Variants in LPIN2 observed in about 807,000 individuals in gnomAD.
LPIN2 encodes lipin 2.
A neutral mutation model predicts 111.4 loss-of-function variants in LPIN2; 55 were observed. The observed-to-expected ratio is 0.49, with a 90% CI of 0.40 to 0.62. LPIN2 has a LOEUF of 0.62. LPIN2 is among the 20% of genes least tolerant of loss of function. The probability of loss-of-function intolerance (pLI) is 0.00; values close to 1 mark genes in which losing one functional copy is unlikely to be tolerated. For missense variants in LPIN2, 992 were observed against 1,112.1 expected, an observed-to-expected ratio of 0.89 and a Z score of 1.54; for synonymous variants, 425 against 414.0, an observed-to-expected ratio of 1.03 and a Z score of -0.32.
At chr18:2,995,684 C>T (rs1372447986) in intron 1 of LPIN2, among the ~76,000 whole-genome samples, 2 of 152,188 alleles carry the variant, frequency 1.3e-5, no homozygotes, top group Non-Finnish European at 2.9e-5. Flanking sequence ...TATGATTCAT[C>T]TGACATGCGT....
At chr18:2,964,135 T>C (rs1372759140) in intron 1 of LPIN2, among the ~76,000 whole-genome samples, 3 of 151,298 alleles carry the variant, frequency 2.0e-5, no homozygotes, top group Admixed American at 6.6e-5. Flanking sequence ...TACAAAAAAT[T>C]AGCCGGGCGT....
Position 2,918,982 on chromosome 18 carries a change from G to A in LPIN2, c.*1311C>T, listed in dbSNP as rs1598514848. 1 of 152,070 alleles carries A rather than the reference G, an allele frequency of 6.6e-6. No individual in the cohort carries two copies. Among genetic ancestry groups the A allele is most frequent in the East Asian group, 1.9e-4 (1 of 5,188 alleles). 9.4% of individuals were successfully genotyped at this position (152,070 alleles called of 1,614,324 possible). On this transcript the variant is annotated 3_prime_UTR_variant, in exon 20 of 20. Coordinates refer to ENST00000677752, the MANE Select transcript of LPIN2 (RefSeq NM_001375808.2). The stretch of plus-strand genomic sequence containing the variant: ...AGACCAAGACCTGGGGTTGGTTCTG[G>A]GCTCCTGACAGTTCTCTTGATGTTA...
intron 4 of LPIN2, among the ~76,000 whole-genome samples, chr18:2,942,766 T>C (rs2077382274): frequency 6.6e-6 from 1 of 152,160 alleles, no homozygotes; most frequent in Non-Finnish European, 1.5e-5. Context: ...CCAGAAACCT[T>C]TTAGGAACTT....
intron 4 of LPIN2, among the ~76,000 whole-genome samples, chr18:2,944,432 A>G (rs2077417025): frequency 1.6e-5 from 2 of 127,388 alleles, no homozygotes; most frequent in African/African-American, 6.0e-5. Context: ...GCTCACTGCC[A>G]GCTCCGCCTC....
chr18:2,920,581 C>T, intron 19 of LPIN2, 144 bp from the exon 20 acceptor site: 1 of 923,636 alleles, frequency 1.1e-6, no homozygotes, highest in East Asian at 2.6e-5. Flanking sequence ...AGGGCTCAAA[C>T]TCCCTCTTAC....
chr18:2,927,921 C>T (rs1442661647), intron 11 of LPIN2, 110 bp from the exon 12 acceptor site: 6 of 889,548 alleles, frequency 6.7e-6, no homozygotes, highest in East Asian at 2.4e-5. Context: ...AGAACGTGAC[C>T]GATGCTCTCT....
intron 16 of LPIN2, among the ~76,000 whole-genome samples, chr18:2,923,128 T>C (rs978225669): frequency 2.0e-5 from 3 of 151,814 alleles, no homozygotes; most frequent in African/African-American, 4.8e-5. Flanking sequence ...CTCAAAGAAA[T>C]ACAATTTTAA....
chr18:2,955,637 C>T (rs995957033), intron 2 of LPIN2, among the ~76,000 whole-genome samples: 2 of 152,052 alleles, frequency 1.3e-5, no homozygotes, highest in Non-Finnish European at 2.9e-5. Flanking sequence ...ATGTATGGGC[C>T]GGGTGCAGTG....
chr18:2,959,937 A>G (rs1246098990), intron 2 of LPIN2, among the ~76,000 whole-genome samples: 1 of 152,136 alleles, frequency 6.6e-6, no homozygotes, highest in East Asian at 1.9e-4. Flanking sequence ...CCGAGGCCGA[A>G]GCCGGTGGAT....
At chr18:2,928,795 G>C (rs1277243034) in intron 10 of LPIN2, 135 bp from the exon 11 acceptor site, 6 of 766,534 alleles carry the variant, frequency 7.8e-6, no homozygotes, top group Non-Finnish European at 6.8e-6. Flanking sequence ...ATGATCAGCT[G>C]AATTTTTTGT....
chr18:2,957,350 T>C (rs902455927), intron 2 of LPIN2, among the ~76,000 whole-genome samples: 3 of 152,200 alleles, frequency 2.0e-5, no homozygotes, highest in Non-Finnish European at 2.9e-5. Flanking sequence ...CACTCAAAGA[T>C]AATGCTCACT....
At chr18:2,994,933 A>C (rs926930632) in intron 1 of LPIN2, among the ~76,000 whole-genome samples, 1 of 152,192 alleles carries the variant, frequency 6.6e-6, no homozygotes, top group Admixed American at 6.6e-5. Context: ...GCCGGCAAGC[A>C]CATGACTTGG....
chr18:2,976,073 T>C (rs544228575), intron 1 of LPIN2, among the ~76,000 whole-genome samples: 3 of 152,364 alleles, frequency 2.0e-5, no homozygotes, highest in East Asian at 1.9e-4. Context: ...ATAGGTTCTA[T>C]GTCTAGGGAA....
At chr18:2,979,706 C>T (rs1025432483) in intron 1 of LPIN2, among the ~76,000 whole-genome samples, 10 of 152,076 alleles carry the variant, frequency 6.6e-5, no homozygotes, top group African/African-American at 1.2e-4. Context: ...TTCAAATAGC[C>T]GAAACATATT....
chr18:2,966,029 G>C (rs991789923), intron 1 of LPIN2, among the ~76,000 whole-genome samples: 1 of 152,088 alleles, frequency 6.6e-6, no homozygotes, highest in African/African-American at 2.4e-5. Context: ...TCAGCCTCCT[G>C]GGCTCAAGCG....
intron 1 of LPIN2, among the ~76,000 whole-genome samples, chr18:2,978,291 G>C (rs1406054088): frequency 1.3e-5 from 2 of 152,050 alleles, no homozygotes; most frequent in African/African-American, 2.4e-5. Context: ...CATTACAAAA[G>C]GAAAAAATTT....
At chr18:2,975,227 A>G (rs2077991917) in intron 1 of LPIN2, among the ~76,000 whole-genome samples, 1 of 152,210 alleles carries the variant, frequency 6.6e-6, no homozygotes, top group East Asian at 1.9e-4. Flanking sequence ...GAAACCTAAA[A>G]CAGCTCCTAA....
intron 1 of LPIN2, among the ~76,000 whole-genome samples, chr18:2,976,497 T>C (rs1445007353): frequency 1.3e-5 from 2 of 152,202 alleles, no homozygotes; most frequent in Non-Finnish European, 2.9e-5. Flanking sequence ...AAAAAGAAGA[T>C]AACTCAAGGA....
chr18:2,928,700 A>G (rs1310648904), intron 10 of LPIN2, 40 bp from the exon 11 acceptor site: 1 of 1,494,428 alleles, frequency 6.7e-7, no homozygotes, highest in Non-Finnish European at 9.3e-7. Context: ...TTACACAGTG[A>G]AAGTGAGCAA....
Sources: allele counts gnomAD v4.1 joint callset (sites outside exome capture counted in the v4.1 genomes callset), GRCh38; gene constraint gnomAD v4.1.1; transcripts MANE v1.5; gene names NCBI Gene and HGNC (gene_info 2026-07-23, HGNC 2026-07-21).